Variants in WWOX observed in about 807,000 individuals in gnomAD.
WWOX encodes WW domain containing oxidoreductase.
Under a neutral mutation model 46.2 loss-of-function variants are expected in WWOX, and 69 were observed. That is an observed-to-expected ratio of 1.49 (90% CI 1.23 to 1.82). WWOX has a LOEUF of 1.82. Ranked by LOEUF, WWOX falls within the 40% of genes most tolerant of loss-of-function variation. WWOX has a pLI of 0.00. For missense variants in WWOX, 919 were observed against 542.6 expected (o/e 1.69, Z -6.89); for synonymous variants, 359 against 202.6 (o/e 1.77, Z -6.56).
intron 6 of WWOX, among the ~76,000 whole-genome samples, chr16:78,414,780 G>A (rs1408486888): frequency 6.6e-6 from 1 of 152,104 alleles, no homozygotes; most frequent in Non-Finnish European, 1.5e-5. Context: ...TAGTTTTGGG[G>A]GAAAGCTGTT....
At chr16:78,686,797 T>C (rs945471752) in intron 8 of WWOX, among the ~76,000 whole-genome samples, 2 of 152,200 alleles carry the variant, frequency 1.3e-5, no homozygotes, top group Non-Finnish European at 2.9e-5. Context: ...CAGAGTTGAC[T>C]TGCAGAAACT....
intron 8 of WWOX, among the ~76,000 whole-genome samples, chr16:78,724,292 G>T (rs1010215049): frequency 2.6e-5 from 4 of 152,136 alleles, no homozygotes; most frequent in Non-Finnish European, 5.9e-5. Flanking sequence ...AAATACAGTA[G>T]TTGGATTCAT....
chr16:78,957,008 T>G (rs1293493475), intron 8 of WWOX, among the ~76,000 whole-genome samples: 1 of 148,678 alleles, frequency 6.7e-6, no homozygotes, highest in African/African-American at 2.6e-5. Context: ...GCTTGAGGAC[T>G]CCGTGTGTTA....
chr16:78,520,694 G>T (rs2151497955), intron 8 of WWOX, among the ~76,000 whole-genome samples: 1 of 152,086 alleles, frequency 6.6e-6, no homozygotes, highest in East Asian at 1.9e-4. Flanking sequence ...GGGTACGTGG[G>T]GAGAGCTTCA....
At chr16:78,743,486 CAGG>C (rs34109006) in intron 8 of WWOX, among the ~76,000 whole-genome samples, 66,290 of 151,716 alleles carry the variant, frequency 0.44, 17,923 homozygotes, top group Non-Finnish European at 0.59. Context: ...GTAAGTGAGG[CAGG>C]AGAACAGGAT....
At chr16:79,035,372 C>G (rs1462813769) in intron 8 of WWOX, among the ~76,000 whole-genome samples, 1 of 152,114 alleles carries the variant, frequency 6.6e-6, no homozygotes, top group African/African-American at 2.4e-5. Context: ...GAACAAAAGG[C>G]CAACCCCATT....
intron 5 of WWOX, among the ~76,000 whole-genome samples, chr16:78,255,222 C>A (rs1341409620): frequency 1.3e-5 from 2 of 152,196 alleles, no homozygotes; most frequent in Admixed American, 6.5e-5. Context: ...TGCTGTCCTT[C>A]TAGTCAGTTT....
At chr16:79,080,437 C>G (rs981469807) in intron 8 of WWOX, among the ~76,000 whole-genome samples, 16 of 152,166 alleles carry the variant, frequency 1.1e-4, no homozygotes, top group Non-Finnish European at 2.2e-4. Context: ...ATCCCAAATC[C>G]AAATTCCTGG....
In WWOX at chr16:78,519,726, G is replaced by A. The variant is rs541181888; in HGVS notation, c.1056+86974G>A. Among the ~76,000 whole-genome samples the A allele has an allele frequency of 1.5e-4, 23 of 152,048 alleles. 1 individual carries two copies. Among genetic ancestry groups the A allele is most frequent in the Middle Eastern group, 3.4e-3 (1 of 292 alleles). ...TTATAAAACAGACCCAAGAGAGACCGTTATCCATTTTACCATGTGAGGAGC... is the reference window on the plus strand; with the variant it reads ...TTATAAAACAGACCCAAGAGAGACCATTATCCATTTTACCATGTGAGGAGC... On this transcript the variant is annotated intron_variant, in intron 8 of 8. Coordinates refer to ENST00000566780, the MANE Select transcript of WWOX (RefSeq NM_016373.4).
chr16:78,423,204 A>C (rs1024001474), intron 6 of WWOX, among the ~76,000 whole-genome samples: 3 of 152,052 alleles, frequency 2.0e-5, no homozygotes, highest in African/African-American at 7.2e-5. Context: ...TATATCTTCC[A>C]TAACCTTTCT....
At chr16:78,595,783 A>G (rs1479573983) in intron 8 of WWOX, among the ~76,000 whole-genome samples, 3 of 152,224 alleles carry the variant, frequency 2.0e-5, no homozygotes, top group African/African-American at 4.8e-5. Flanking sequence ...AACCTTTATT[A>G]TTTGTGATGA....
intron 8 of WWOX, among the ~76,000 whole-genome samples, chr16:78,854,654 G>T (rs990222909): frequency 2.0e-5 from 3 of 152,108 alleles, no homozygotes; most frequent in African/African-American, 4.8e-5. Context: ...GATCTCAGCT[G>T]ACTGCAACCT....
chr16:79,097,370 C>G (rs1303151606), intron 8 of WWOX, among the ~76,000 whole-genome samples: 2 of 149,702 alleles, frequency 1.3e-5, no homozygotes, highest in Non-Finnish European at 3.0e-5. Context: ...TTTTTTGGCC[C>G]ACATCACTGC....
intron 8 of WWOX, among the ~76,000 whole-genome samples, chr16:78,810,100 G>T (rs984438152): frequency 2.6e-5 from 4 of 152,180 alleles, no homozygotes; most frequent in Non-Finnish European, 5.9e-5. Context: ...CTAAACCAGT[G>T]AATTAAGAGT....
At chr16:79,202,429 T>G (rs1359355249) in intron 8 of WWOX, among the ~76,000 whole-genome samples, 1 of 152,118 alleles carries the variant, frequency 6.6e-6, no homozygotes, top group Admixed American at 6.5e-5. Flanking sequence ...GCTAGAAAGA[T>G]CCAAAGAAAC....
At position 78,214,434 on chromosome 16, in the gene WWOX, G is replaced by T. The variant is rs573800192; in HGVS notation, c.516+50145G>T. Among the ~76,000 whole-genome samples, 11 of 152,220 alleles carry T rather than the reference G, an allele frequency of 7.2e-5. No individual in the cohort carries two copies. The South Asian group carries it at 2.3e-3, about 32-fold the overall frequency. On this transcript the variant is annotated intron_variant, in intron 5 of 8. Coordinates refer to ENST00000566780, the MANE Select transcript of WWOX (RefSeq NM_016373.4). ...AGTGGCTGGCATTCTGTGCACAATC[G>T]AAGTCTGCTGCTGTCAGCTCTGTGG...
At chr16:78,280,690 C>G (rs1327735857) in intron 5 of WWOX, among the ~76,000 whole-genome samples, 1 of 152,076 alleles carries the variant, frequency 6.6e-6, no homozygotes, top group African/African-American at 2.4e-5. Context: ...CACTTTTAAC[C>G]CTTTTCCTGT....
chr16:79,038,746 C>T (rs1354525009), intron 8 of WWOX, among the ~76,000 whole-genome samples: 1 of 152,066 alleles, frequency 6.6e-6, no homozygotes, highest in Non-Finnish European at 1.5e-5. Context: ...GACAGGGTTT[C>T]ACCATATTGG....
At chr16:78,815,558 C>A (rs780559296) in intron 8 of WWOX, among the ~76,000 whole-genome samples, 1 of 152,174 alleles carries the variant, frequency 6.6e-6, no homozygotes, top group Admixed American at 6.5e-5. Flanking sequence ...ACCATGATGA[C>A]CTCCTTGCCC....
Sources: allele counts gnomAD v4.1 joint callset (sites outside exome capture counted in the v4.1 genomes callset), GRCh38; gene constraint gnomAD v4.1.1; transcripts MANE v1.5; gene names NCBI Gene and HGNC (gene_info 2026-07-23, HGNC 2026-07-21).